AJAP1: variants seen among roughly 807,000 people sequenced by gnomAD.
AJAP1 encodes the protein adherens junctions associated protein 1.
A neutral mutation model predicts 35.0 loss-of-function variants in AJAP1; 5 were observed. The ratio of observed to expected loss-of-function variants is 0.14; its 90% CI spans 0.07 to 0.30. The LOEUF (loss-of-function observed/expected upper bound fraction) is 0.30, where lower values mean the gene tolerates loss of function less well. Among genes scored for constraint, AJAP1 ranks in the 10% least tolerant of loss-of-function variants. AJAP1 has a pLI of 1.00. For missense variants in AJAP1, 586 were observed against 571.0 expected (o/e 1.03, Z -0.27); for synonymous variants, 284 against 249.3 (o/e 1.14, Z -1.31).
intron 1 of AJAP1, among the ~76,000 whole-genome samples, chr1:4,694,966 G>A (rs1639824788): frequency 6.6e-6 from 1 of 152,202 alleles, no homozygotes; most frequent in Admixed American, 6.5e-5. Flanking sequence ...GAGAAGGCCA[G>A]GAGTCAGATG....
intron 2 of AJAP1, among the ~76,000 whole-genome samples, chr1:4,733,945 G>A (rs1640858976): frequency 6.6e-6 from 1 of 152,198 alleles, no homozygotes; most frequent in Admixed American, 6.5e-5. Flanking sequence ...ATCAAAGGAG[G>A]TGGGGGCGGG....
At chr1:4,724,745 G>A (rs1469139851) in intron 2 of AJAP1, among the ~76,000 whole-genome samples, 3 of 151,440 alleles carry the variant, frequency 2.0e-5, no homozygotes, top group African/African-American at 7.3e-5. Flanking sequence ...TGTCTGAACA[G>A]TTTTTTAAAA....
intron 1 of AJAP1, among the ~76,000 whole-genome samples, chr1:4,684,813 C>A (rs977330940): frequency 6.6e-6 from 1 of 152,122 alleles, no homozygotes; most frequent in Admixed American, 6.5e-5. Context: ...ATTCAACTTG[C>A]CTCACCTCCC....
rs1639761274 is a variant in AJAP1, at chr1:4,692,368, T to C, written c.30-19532T>C. Among the ~76,000 whole-genome samples, 1 of 152,242 alleles carries C rather than the reference T, an allele frequency of 6.6e-6. No homozygotes were observed. The highest frequency in any genetic ancestry group is 2.1e-4 in the South Asian group (1 of 4,826). On this transcript the variant is annotated intron_variant, in intron 1 of 5. Coordinates refer to ENST00000378191, the MANE Select transcript of AJAP1 (RefSeq NM_018836.4). The surrounding 1 kb of genome is among the most constrained non-coding windows in gnomAD (Gnocchi z 4.4). The stretch of plus-strand genomic sequence containing the variant: ...CCCTTTCCCTTCTGGCCTCTCAGCC[T>C]GCAGGAGAGGCTGGGGGGCACGTCT...
chr1:4,731,895 C>T (rs148836926), intron 2 of AJAP1, among the ~76,000 whole-genome samples: 117 of 152,300 alleles, frequency 7.7e-4, no homozygotes, highest in African/African-American at 2.5e-3. Flanking sequence ...TGGAGAGGGG[C>T]TGGGCGTCAC....
At chr1:4,670,813 G>A (rs1639233131) in intron 1 of AJAP1, among the ~76,000 whole-genome samples, 1 of 152,226 alleles carries the variant, frequency 6.6e-6, no homozygotes, top group Non-Finnish European at 1.5e-5. Flanking sequence ...GTTCCAGAAT[G>A]TTCTTCCCTT....
At chr1:4,768,679 C>T (rs2100357006) in intron 2 of AJAP1, among the ~76,000 whole-genome samples, 1 of 152,316 alleles carries the variant, frequency 6.6e-6, no homozygotes. Context: ...TTGCTTGGAT[C>T]TCAGGTGGAA....
At chr1:4,661,877 A>T (rs749666905) in intron 1 of AJAP1, among the ~76,000 whole-genome samples, 26 of 152,250 alleles carry the variant, frequency 1.7e-4, no homozygotes, top group Non-Finnish European at 3.5e-4. Context: ...TGACACAGAT[A>T]CTGCTATTCA....
chr1:4,658,842 G>A (rs528149055), intron 1 of AJAP1, among the ~76,000 whole-genome samples: 104 of 152,340 alleles, frequency 6.8e-4, no homozygotes, highest in Middle Eastern at 3.4e-3. Flanking sequence ...CACGCCTGCC[G>A]GGGACAGCTG....
chr1:4,699,392 A>C (rs1639937665), intron 1 of AJAP1, among the ~76,000 whole-genome samples: 1 of 152,234 alleles, frequency 6.6e-6, no homozygotes, highest in African/African-American at 2.4e-5. Context: ...CCTGGCATGC[A>C]TACCGAGTTT....
chr1:4,783,435 C>T lies in AJAP1; in HGVS notation c.*950C>T, dbSNP rs1404713559. 1 of 131,304 alleles carries T rather than the reference C, an allele frequency of 7.6e-6. No homozygotes were observed. The highest frequency in any genetic ancestry group is 1.6e-5 in the Non-Finnish European group (1 of 64,210). 8.1% of individuals were successfully genotyped at this position (131,304 alleles called of 1,614,324 possible). On this transcript the variant is annotated 3_prime_UTR_variant, in exon 6 of 6. Coordinates refer to ENST00000378191, the MANE Select transcript of AJAP1 (RefSeq NM_018836.4). ...AAATGTGTGACTTACTATCTTGGGC[C>T]AGAACTAAGAATGCCAAGGTTTTAT... is the stretch of plus-strand genomic sequence containing the variant.
At chr1:4,699,792 T>A (rs905341841) in intron 1 of AJAP1, among the ~76,000 whole-genome samples, 1 of 152,150 alleles carries the variant, frequency 6.6e-6, no homozygotes, top group Admixed American at 6.5e-5. Flanking sequence ...AGCTACTATT[T>A]CTGTGTTTTT....
rs772785103 is a variant in AJAP1 at position 4,709,408 on chromosome 1, CCTGGTGAGGCCTGGTGAGGT to C, written c.30-2477_30-2458del. Among the ~76,000 whole-genome samples the C allele has an allele frequency of 5.3e-5, 8 of 151,002 alleles. No individual in the cohort carries two copies. In the East Asian group the frequency reaches 5.9e-4, roughly 11 times the overall value. On this transcript the variant is annotated intron_variant, in intron 1 of 5. Transcript: ENST00000378191. ...GTGAGCTTGGTGGAGTGTGGTGGGG[CCTGGTGAGGCCTGGTGAGGT>C]CTGGTGAGGCCTGGAAGACCATGGC...
intron 2 of AJAP1, among the ~76,000 whole-genome samples, chr1:4,733,742 T>C (rs1246128451): frequency 1.3e-5 from 2 of 152,050 alleles, no homozygotes; most frequent in Non-Finnish European, 2.9e-5. Context: ...CCTCCCCTTG[T>C]TCTCCTTGTG....
Position 4,658,139 on chromosome 1 carries a change from T to A in AJAP1, c.29+2685T>A, listed in dbSNP as rs572840252. Among the ~76,000 whole-genome samples, 9 of 152,256 alleles carry A rather than the reference T, an allele frequency of 5.9e-5. No individual in the cohort carries two copies. The South Asian group carries it at 1.9e-3, about 32-fold the overall frequency. On this transcript the variant is annotated intron_variant, in intron 1 of 5. Coordinates refer to ENST00000378191, the MANE Select transcript of AJAP1 (RefSeq NM_018836.4). Reference sequence around the variant, plus strand: ...GCTGCAGACCTCAGATGCTGTGGCTTCCTCAGGGGCTCCGAGCGTCCACCT... The same window carrying A: ...GCTGCAGACCTCAGATGCTGTGGCTACCTCAGGGGCTCCGAGCGTCCACCT...
chr1:4,677,830 C>T (rs10915585), intron 1 of AJAP1, among the ~76,000 whole-genome samples: 26,306 of 152,138 alleles, frequency 0.17, 2,662 homozygotes, highest in South Asian at 0.31. Context: ...TGACACAGTT[C>T]CTTTCTCTGT....
At chr1:4,773,133 A>G (rs1641875861) in intron 4 of AJAP1, among the ~76,000 whole-genome samples, 1 of 152,210 alleles carries the variant, frequency 6.6e-6, no homozygotes, top group Non-Finnish European at 1.5e-5. Context: ...TAAAGTATCA[A>G]TAAGCTTTTT....
At chr1:4,681,786 A>G (rs1639488859) in intron 1 of AJAP1, among the ~76,000 whole-genome samples, 1 of 152,176 alleles carries the variant, frequency 6.6e-6, no homozygotes, top group African/African-American at 2.4e-5. Flanking sequence ...GGGGTCAGAC[A>G]GACCTGATGG....
At chr1:4,683,144 T>A (rs1487036915) in intron 1 of AJAP1, among the ~76,000 whole-genome samples, 1 of 152,198 alleles carries the variant, frequency 6.6e-6, no homozygotes, top group Non-Finnish European at 1.5e-5. Context: ...ATCTTGGTTG[T>A]AGTACTCCCC....
Sources: allele counts gnomAD v4.1 joint callset (sites outside exome capture counted in the v4.1 genomes callset), GRCh38; gene constraint gnomAD v4.1.1; non-coding constraint Gnocchi (gnomAD v3.1); transcripts MANE v1.5; gene names NCBI Gene and HGNC (gene_info 2026-07-23, HGNC 2026-07-21).